PCDHGC3: variants seen among roughly 807,000 people sequenced by gnomAD.
PCDHGC3 encodes protocadherin gamma subfamily C, 3.
PCDHGC3 carries 26 observed loss-of-function variants against 59.2 expected under a neutral mutation model. That is an observed-to-expected ratio of 0.44 (90% CI 0.32 to 0.61). The LOEUF is 0.61. PCDHGC3 is among the 20% of genes least tolerant of loss of function. PCDHGC3 has a pLI of 0.05. For synonymous variants in PCDHGC3, 487 were observed against 519.7 expected (o/e 0.94, Z 0.86); for missense variants, 1,080 against 1,221.8 (o/e 0.88, Z 1.73).
chr5:141,509,575 T>C (rs186302231), intron 3 of PCDHGC3, among the ~76,000 whole-genome samples: 153 of 152,320 alleles, frequency 1.0e-3, no homozygotes, highest in African/African-American at 3.7e-3. Flanking sequence ...TCACAGTGCG[T>C]ACAAATCAGC....
intron 2 of PCDHGC3, 103 bp from the exon 3 acceptor site, chr5:141,505,290 G>A: frequency 3.2e-6 from 5 of 1,564,680 alleles, no homozygotes; most frequent in Non-Finnish European, 4.3e-6. Context: ...TTGGGCATGG[G>A]GTAGGGTTAG....
chr5:141,478,726 G>A, intron 1 of PCDHGC3, 180 bp downstream of exon 1: 2 of 1,540,996 alleles, frequency 1.3e-6, no homozygotes, highest in Non-Finnish European at 1.8e-6. Context: ...GCCTGCCAGA[G>A]TGTGGTTTGT....
chr5:141,495,276 G>A (rs1350329744), intron 2 of PCDHGC3, among the ~76,000 whole-genome samples: 1 of 152,190 alleles, frequency 6.6e-6, no homozygotes, highest in East Asian at 1.9e-4. Flanking sequence ...GACCGGAGGA[G>A]GCGGTCCGCA....
chr5:141,479,625 T>C (rs2099501262), intron 1 of PCDHGC3: 1 of 152,228 alleles, frequency 6.6e-6, no homozygotes, highest in Non-Finnish European at 1.5e-5. Flanking sequence ...ACCATGTCTC[T>C]TTAACAATAA....
chr5:141,503,598 CAAA>C (rs765754054), intron 2 of PCDHGC3, among the ~76,000 whole-genome samples: 9 of 65,742 alleles, frequency 1.4e-4, no homozygotes, highest in Admixed American at 3.4e-4. Context: ...GACTCCAGCT[CAAA>C]AAAAAAAAAA....
Position 141,487,071 on chromosome 5 carries a change from C to A in PCDHGC3, c.2431-7736C>A. On this transcript the variant is annotated intron_variant, in intron 1 of 3. Coordinates refer to ENST00000308177, the MANE Select transcript of PCDHGC3 (RefSeq NM_002588.4). The surrounding 1 kb of genome is among the most constrained non-coding windows in gnomAD (Gnocchi z 5.0). ...GCTGGGGAGGTGCGGACGGCTGTTC[C>A]TATCCCAGCTGACCTCCCACCACAG... is the stretch of plus-strand genomic sequence containing the variant. The A allele has an allele frequency of 6.2e-7, 1 of 1,614,148 alleles. No individual in the cohort carries two copies. Among genetic ancestry groups the A allele is most frequent in the Non-Finnish European group, 8.5e-7 (1 of 1,180,002 alleles).
chr5:141,511,560 T>C lies in PCDHGC3; in HGVS notation c.*387T>C. ...CCACCCCACTCCAACAGTTCCTCTT[T>C]CCCGAGTAAGGTGGTTGGGGTGTTG... On this transcript the variant is annotated 3_prime_UTR_variant, in exon 4 of 4. Coordinates refer to ENST00000308177, the MANE Select transcript of PCDHGC3 (RefSeq NM_002588.4). The C allele has an allele frequency of 3.3e-6, 1 of 298,990 alleles. No homozygotes were observed. The highest frequency in any genetic ancestry group is 3.7e-5 in the South Asian group (1 of 27,250). The allele number at this position is 298,990 out of a possible 1,614,324, so 18.5% of individuals were successfully genotyped here.
rs1479003983 is a variant in PCDHGC3, at chr5:141,485,352, C to T, written c.2430+6806C>T. On this transcript the variant is annotated intron_variant, in intron 1 of 3. Coordinates refer to ENST00000308177, the MANE Select transcript of PCDHGC3 (RefSeq NM_002588.4). This position sits in a 1 kb window ranked among gnomAD's most constrained non-coding sequence, Gnocchi z 5.7. ...TTCCTGCTGGATACGGACAGTCTGT[C>T]AGCTCGCAGGCTGCAGGTCGCTGGA... 1 of 1,614,136 alleles carries T rather than the reference C, an allele frequency of 6.2e-7. No homozygotes were observed. The highest frequency in any genetic ancestry group is 8.5e-7 in the Non-Finnish European group (1 of 1,180,012).
chr5:141,483,833 G>A (rs964111814), intron 1 of PCDHGC3, among the ~76,000 whole-genome samples: 1 of 152,116 alleles, frequency 6.6e-6, no homozygotes, highest in Admixed American at 6.5e-5. Flanking sequence ...CCTAGGTAAG[G>A]ACTTGGTTGA....
At chr5:141,482,089 C>CA (rs36035257) in intron 1 of PCDHGC3, among the ~76,000 whole-genome samples, 13,509 of 134,292 alleles carry the variant, frequency 0.1, 910 homozygotes, top group African/African-American at 0.2. Context: ...CACTCCATCT[C>CA]AAAAAAAAAA....
rs143638501 is a variant in PCDHGC3, at chr5:141,486,817, T to C, written c.2431-7990T>C. On this transcript the variant is annotated intron_variant, in intron 1 of 3. Coordinates refer to ENST00000308177, the MANE Select transcript of PCDHGC3 (RefSeq NM_002588.4). This position sits in a 1 kb window ranked among gnomAD's most constrained non-coding sequence, Gnocchi z 5.0. ...GGGGCAACCCACCCCTTAGCAGCACTGTAACAGTTCGTCTATTTGTGCTGG... is the reference window on the plus strand; with the variant it reads ...GGGGCAACCCACCCCTTAGCAGCACCGTAACAGTTCGTCTATTTGTGCTGG... 153 of 1,614,220 alleles carry C rather than the reference T, an allele frequency of 9.5e-5. 1 individual carries two copies. In the African/African-American group the frequency reaches 1.4e-3, roughly 15 times the overall value.
At position 141,486,923 on chromosome 5, in the gene PCDHGC3, G is replaced by A. The variant is rs1377159895; in HGVS notation, c.2431-7884G>A. ...ATGTCCCCAAGCACTGCCTCCATCAGTTGGTGCTGGCCACCTAATCACAAA... is the reference window on the plus strand; with the variant it reads ...ATGTCCCCAAGCACTGCCTCCATCAATTGGTGCTGGCCACCTAATCACAAA... On this transcript the variant is annotated intron_variant, in intron 1 of 3. Transcript: ENST00000308177. This position sits in a 1 kb window ranked among gnomAD's most constrained non-coding sequence, Gnocchi z 5.0. 6.2e-7 allele frequency: 1 copy of A among 1,614,252 alleles called. No individual in the cohort carries two copies. Among genetic ancestry groups the A allele is most frequent in the Admixed American group, 1.7e-5 (1 of 60,028 alleles).
At chr5:141,509,404 A>C (rs1248030362) in intron 3 of PCDHGC3, among the ~76,000 whole-genome samples, 3 of 152,112 alleles carry the variant, frequency 2.0e-5, no homozygotes, top group Non-Finnish European at 4.4e-5. Context: ...CAGGGCCTCC[A>C]GCAGCGAGCC....
At position 141,477,532 on chromosome 5, in the gene PCDHGC3, CG is replaced by C; in HGVS notation, c.1420del (p.Ala474LeufsTer4). 6.2e-7 allele frequency: 1 copy of C among 1,614,146 alleles called. No individual in the cohort carries two copies. The highest frequency in any genetic ancestry group is 8.5e-7 in the Non-Finnish European group (1 of 1,180,028). Reference sequence around the variant, plus strand: ...TTTACATTGAAGAAAACAACCTCCCCGGGGCTCCAATACTAAACCTAAGTGT... The same window carrying C: ...TTTACATTGAAGAAAACAACCTCCCCGGGCTCCAATACTAAACCTAAGTGT... ...DVYIEENNLPGAPILNLSVWD... is the reference protein window; with the variant it reads ...DVYIEENNLPXAPILNLSVWD... On this transcript the variant is annotated frameshift_variant, in exon 1 of 4. Transcript: ENST00000308177. LOFTEE classifies it high-confidence loss of function. This position sits in a 1 kb window ranked among gnomAD's most constrained non-coding sequence, Gnocchi z 4.9.
chr5:141,485,242 C>A lies in PCDHGC3; in HGVS notation c.2430+6696C>A, dbSNP rs747029550. ...CTACCCTTTTGTTCCTCTTTTACCA[C>A]CTGGGTTACGTTTGTGGGCAGATCC... On this transcript the variant is annotated intron_variant, in intron 1 of 3. Transcript: ENST00000308177. This position sits in a 1 kb window ranked among gnomAD's most constrained non-coding sequence, Gnocchi z 5.7. 7.4e-5 allele frequency: 119 copies of A among 1,614,054 alleles called. No individual in the cohort carries two copies. The highest frequency in any genetic ancestry group is 3.3e-4 in the Middle Eastern group (2 of 6,084).
intron 1 of PCDHGC3, among the ~76,000 whole-genome samples, chr5:141,492,968 C>T: frequency 6.6e-6 from 1 of 152,240 alleles, no homozygotes; most frequent in East Asian, 1.9e-4. Flanking sequence ...GACACTCTAA[C>T]AAGTCCTGTC....
At position 141,511,247 on chromosome 5, in the gene PCDHGC3, C is replaced by A; in HGVS notation, c.*74C>A. The A allele has an allele frequency of 1.3e-6, 2 of 1,577,162 alleles. No individual in the cohort carries two copies. The highest frequency in any genetic ancestry group is 1.7e-6 in the Non-Finnish European group (2 of 1,161,712). On this transcript the variant is annotated 3_prime_UTR_variant, in exon 4 of 4. Transcript: ENST00000308177. Reference sequence around the variant, plus strand: ...CAGCTTCTCCTTACCTGCACCCAGGCCTCAGAGTTTCAGGGCTAACCCCCA... The same window carrying A: ...CAGCTTCTCCTTACCTGCACCCAGGACTCAGAGTTTCAGGGCTAACCCCCA...
chr5:141,479,333 G>A (rs2154577502), intron 1 of PCDHGC3: 1 of 152,652 alleles, frequency 6.6e-6, no homozygotes, highest in East Asian at 1.9e-4. Context: ...TCAGTGGTGT[G>A]CACCTGTAGT....
rs1412764202 is a variant in PCDHGC3, at chr5:141,486,708, C to T, written c.2431-8099C>T. The T allele has an allele frequency of 1.2e-6, 2 of 1,614,062 alleles. No individual in the cohort carries two copies. Among genetic ancestry groups the T allele is most frequent in the Non-Finnish European group, 1.7e-6 (2 of 1,180,054 alleles). ...GCTTCCTCTTTCATCTCTCTGAACC[C>T]CCAGACAGGAGCTGTTCATGCTACT... On this transcript the variant is annotated intron_variant, in intron 1 of 3. Coordinates refer to ENST00000308177, the MANE Select transcript of PCDHGC3 (RefSeq NM_002588.4). This position sits in a 1 kb window ranked among gnomAD's most constrained non-coding sequence, Gnocchi z 5.0.
Sources: allele counts gnomAD v4.1 joint callset (sites outside exome capture counted in the v4.1 genomes callset), GRCh38; gene constraint gnomAD v4.1.1; non-coding constraint Gnocchi (gnomAD v3.1); transcripts MANE v1.5; gene names NCBI Gene and HGNC (gene_info 2026-07-23, HGNC 2026-07-21).